The following FER1L6 variants were observed in gnomAD, a reference collection of about 807,000 sequenced individuals.
The protein encoded by FER1L6 is fer-1-like protein 6.
In FER1L6, 177 loss-of-function variants were observed where a neutral mutation model predicts 219.2. The observed-to-expected ratio is 0.81, with a 90% CI of 0.71 to 0.91. The LOEUF is 0.91. Among genes scored for constraint, FER1L6 ranks in the 40% least tolerant of loss-of-function variants. The probability of loss-of-function intolerance (pLI) is 0.00; values close to 1 mark genes in which losing one functional copy is unlikely to be tolerated. For synonymous variants in FER1L6, 768 were observed against 824.3 expected (o/e 0.93, Z 1.17); for missense variants, 2,153 against 2,259.9 (o/e 0.95, Z 0.96).
intron 14 of FER1L6, among the ~76,000 whole-genome samples, chr8:124,012,395 T>C (rs77978080): frequency 9.8e-5 from 15 of 152,336 alleles, no homozygotes; most frequent in African/African-American, 3.4e-4. Flanking sequence ...TCCAAGAGTC[T>C]TGACAAAGCA....
At chr8:123,916,110 G>A (rs1359526604) in intron 1 of FER1L6, among the ~76,000 whole-genome samples, 1 of 152,208 alleles carries the variant, frequency 6.6e-6, no homozygotes, top group Non-Finnish European at 1.5e-5. Context: ...GGTCAAAGCT[G>A]CCTTCTGCAG....
chr8:123,906,303 G>A (rs1812952072), intron 1 of FER1L6, among the ~76,000 whole-genome samples: 1 of 152,152 alleles, frequency 6.6e-6, no homozygotes, highest in African/African-American at 2.4e-5. Flanking sequence ...GAAGTATCTA[G>A]TGTTTTCAGG....
In FER1L6 at chr8:123,853,950, T is replaced by C. The variant is rs1397659451; in HGVS notation, c.-8+1765T>C. ...TGAGGAGCAAAGGATGCAGGGCTTC[T>C]GTGGGCCTGGCTCTCAGGGAAGCAT... On this transcript the variant is annotated intron_variant, in intron 1 of 40. Transcript: ENST00000522917. This position sits in a 1 kb window ranked among gnomAD's most constrained non-coding sequence, Gnocchi z 6.6. 6.6e-6 allele frequency among the ~76,000 whole-genome samples: 1 copy of C among 152,190 alleles called. No homozygotes were observed. Among genetic ancestry groups the C allele is most frequent in the Non-Finnish European group, 1.5e-5 (1 of 68,038 alleles).
intron 22 of FER1L6, 62 bp from the exon 23 acceptor site, chr8:124,060,118 G>A: frequency 8.2e-7 from 1 of 1,222,254 alleles, no homozygotes; most frequent in Non-Finnish European, 1.2e-6. Flanking sequence ...AGGTGGTTGT[G>A]TGGCACTGTT....
chr8:123,970,238 C>A, intron 6 of FER1L6, 141 bp downstream of exon 6: 1 of 757,234 alleles, frequency 1.3e-6, no homozygotes, highest in Non-Finnish European at 2.3e-6. Context: ...AACCAACAGG[C>A]AGAACTTGAA....
At position 124,080,434 on chromosome 8, in the gene FER1L6, C is replaced by T. The variant is rs138620896; in HGVS notation, c.4221-1854C>T. Among the ~76,000 whole-genome samples the T allele has an allele frequency of 9.8e-3, 1,486 of 152,194 alleles. 10 individuals are homozygous for T. The highest frequency in any genetic ancestry group is 0.015 in the Non-Finnish European group (1,051 of 68,010). Reference sequence around the variant, plus strand: ...CTGGGTTCAAGCTGTTCTCCTGCCTCAGCCTCCCAAGTAGCTGGGACTACA... The same window carrying T: ...CTGGGTTCAAGCTGTTCTCCTGCCTTAGCCTCCCAAGTAGCTGGGACTACA... On this transcript the variant is annotated intron_variant, in intron 32 of 40. Transcript: ENST00000522917.
At chr8:123,895,137 G>A (rs1324790890) in intron 1 of FER1L6, among the ~76,000 whole-genome samples, 1 of 152,200 alleles carries the variant, frequency 6.6e-6, no homozygotes, top group African/African-American at 2.4e-5. Flanking sequence ...TGCCAAAGAT[G>A]CATGACCTGT....
chr8:124,068,254 C>T (rs1002115983), intron 28 of FER1L6, among the ~76,000 whole-genome samples: 5 of 152,166 alleles, frequency 3.3e-5, no homozygotes, highest in African/African-American at 1.2e-4. Context: ...AGCCTAAATA[C>T]AACTGTAACG....
intron 19 of FER1L6, 131 bp from the exon 20 acceptor site, chr8:124,039,751 T>G: frequency 9.0e-7 from 1 of 1,113,100 alleles, no homozygotes; most frequent in Admixed American, 2.0e-5. Context: ...CAGAGGAGGG[T>G]GGATGTGGCT....
intron 1 of FER1L6, among the ~76,000 whole-genome samples, chr8:123,883,814 C>T (rs1383080505): frequency 1.3e-5 from 2 of 152,196 alleles, no homozygotes; most frequent in South Asian, 2.1e-4. Context: ...TCTCTTGCAA[C>T]TCTTTTATAA....
intron 1 of FER1L6, among the ~76,000 whole-genome samples, chr8:123,940,068 A>G (rs551489582): frequency 6.6e-6 from 1 of 152,356 alleles, no homozygotes; most frequent in East Asian, 1.9e-4. Flanking sequence ...TTCCCACAGG[A>G]CAACCACAGT....
At chr8:123,856,316 G>GTATATA (rs1554608009) in intron 1 of FER1L6, among the ~76,000 whole-genome samples, 1,822 of 45,034 alleles carry the variant, frequency 0.04, 232 homozygotes, top group South Asian at 0.074. Context: ...ATATGTATGT[G>GTATATA]TATATATATA....
intron 8 of FER1L6, 34 bp downstream of exon 8, chr8:123,975,340 A>G: frequency 1.3e-6 from 2 of 1,550,170 alleles, no homozygotes; most frequent in Non-Finnish European, 1.8e-6. Context: ...GTGCATAGAA[A>G]TGATATGTCC....
intron 1 of FER1L6, among the ~76,000 whole-genome samples, chr8:123,895,848 G>A (rs1375105281): frequency 6.6e-6 from 1 of 152,180 alleles, no homozygotes; most frequent in Non-Finnish European, 1.5e-5. Flanking sequence ...GATACGCAGA[G>A]TCAAATTTAC....
chr8:123,946,207 G>T (rs1814478236), intron 1 of FER1L6, among the ~76,000 whole-genome samples: 1 of 152,088 alleles, frequency 6.6e-6, no homozygotes, highest in Admixed American at 6.6e-5. Flanking sequence ...TCTCTGGACT[G>T]GACCTCAATT....
intron 12 of FER1L6, among the ~76,000 whole-genome samples, chr8:123,988,947 A>T (rs1260569942): frequency 1.3e-5 from 2 of 152,138 alleles, no homozygotes; most frequent in Non-Finnish European, 2.9e-5. Context: ...ATTTGGTGTG[A>T]AACTAGCTGT....
chr8:123,950,831 G>A (rs78608788), intron 1 of FER1L6, among the ~76,000 whole-genome samples: 5,368 of 152,264 alleles, frequency 0.035, 121 homozygotes, highest in Middle Eastern at 0.075. Flanking sequence ...CATCCATTCA[G>A]GCCATTAGCC....
chr8:123,885,094 A>G (rs1167154673), intron 1 of FER1L6, among the ~76,000 whole-genome samples: 1 of 152,188 alleles, frequency 6.6e-6, no homozygotes, highest in East Asian at 1.9e-4. Context: ...GGACTGATGG[A>G]GCCATCAGAA....
chr8:124,047,480 CTT>C (rs1158172964), intron 21 of FER1L6: 1 of 152,114 alleles, frequency 6.6e-6, no homozygotes, highest in Non-Finnish European at 1.5e-5. Context: ...GTCCTGCCCT[CTT>C]TTTCTTGGTA....
Sources: gnomAD v4.1 joint callset for allele counts (sites outside exome capture counted in the v4.1 genomes callset) on GRCh38, gnomAD v4.1.1 for gene constraint, Gnocchi (gnomAD v3.1) non-coding constraint, MANE v1.5 for transcripts, NCBI Gene and HGNC (gene_info 2026-07-23, HGNC 2026-07-21) for gene names.